Variants in EPHA6 observed in about 807,000 individuals in gnomAD.
EPHA6 encodes EPH receptor A6.
A neutral mutation model predicts 112.0 loss-of-function variants in EPHA6; 50 were observed. The ratio of observed to expected loss-of-function variants is 0.45; its 90% CI spans 0.36 to 0.56. The LOEUF (loss-of-function observed/expected upper bound fraction) is 0.56, where lower values mean the gene tolerates loss of function less well. Ranked by LOEUF, EPHA6 falls within the 20% of genes least tolerant of loss-of-function variation. EPHA6 has a pLI of 0.00. For synonymous variants in EPHA6, 529 were observed against 490.7 expected (o/e 1.08, Z -1.03); for missense variants, 1,280 against 1,417.4 (o/e 0.90, Z 1.56).
chr3:97,531,052 T>A (rs1257329331), intron 10 of EPHA6, among the ~76,000 whole-genome samples: 1 of 152,056 alleles, frequency 6.6e-6, no homozygotes, highest in Non-Finnish European at 1.5e-5. Context: ...TTAATTTCTT[T>A]CATCCTTCCA....
chr3:97,102,956 C>G (rs2047448623), intron 3 of EPHA6, among the ~76,000 whole-genome samples: 1 of 151,894 alleles, frequency 6.6e-6, no homozygotes, highest in African/African-American at 2.4e-5. Flanking sequence ...TATTTATGTC[C>G]TTTACCTAAT....
intron 9 of EPHA6, among the ~76,000 whole-genome samples, chr3:97,482,875 G>C (rs1279954289): frequency 6.6e-6 from 1 of 152,096 alleles, no homozygotes; most frequent in Non-Finnish European, 1.5e-5. Context: ...TGTGATTATT[G>C]CCTGTAAAAC....
At chr3:97,358,384 T>C (rs1405729918) in intron 5 of EPHA6, among the ~76,000 whole-genome samples, 1 of 152,180 alleles carries the variant, frequency 6.6e-6, no homozygotes, top group African/African-American at 2.4e-5. Flanking sequence ...CTCTTGGTTG[T>C]TGATATCACA....
intron 3 of EPHA6, among the ~76,000 whole-genome samples, chr3:97,019,489 C>G (rs1029249006): frequency 3.9e-4 from 59 of 152,106 alleles, no homozygotes; most frequent in Non-Finnish European, 6.5e-4. Context: ...GGAGCTGTGA[C>G]TCCAGCTATG....
chr3:97,517,700 G>T (rs2092469088), intron 10 of EPHA6, among the ~76,000 whole-genome samples: 1 of 151,984 alleles, frequency 6.6e-6, no homozygotes, highest in South Asian at 2.1e-4. Flanking sequence ...TATTTCTACT[G>T]TCTAACTGAA....
chr3:97,314,198 T>G (rs2081699428), intron 5 of EPHA6, among the ~76,000 whole-genome samples: 1 of 151,698 alleles, frequency 6.6e-6, no homozygotes, highest in African/African-American at 2.4e-5. Flanking sequence ...AACATGGTGT[T>G]TATTTCTGGG....
rs139146600 is a variant in EPHA6 at position 96,971,512 on chromosome 3, G to A, written c.451-15818G>A. Among the ~76,000 whole-genome samples, 8 of 152,130 alleles carry A rather than the reference G, an allele frequency of 5.3e-5. No homozygotes were observed. In the East Asian group the frequency reaches 1.5e-3, roughly 29 times the overall value. On this transcript the variant is annotated intron_variant, in intron 2 of 17. Coordinates refer to ENST00000389672, the MANE Select transcript of EPHA6 (RefSeq NM_001080448.3). Reference sequence around the variant, plus strand: ...TTTTCTGCTGCAAAAACAGATTTATGTTATTAACTACATGCCTAGCAGCAG... The same window carrying A: ...TTTTCTGCTGCAAAAACAGATTTATATTATTAACTACATGCCTAGCAGCAG...
intron 2 of EPHA6, among the ~76,000 whole-genome samples, chr3:96,925,741 G>A (rs1254770942): frequency 6.6e-6 from 1 of 151,880 alleles, no homozygotes; most frequent in Non-Finnish European, 1.5e-5. Flanking sequence ...GAGTAGCTGG[G>A]ATTACGAGCG....
At chr3:97,017,131 A>T (rs115622744) in intron 3 of EPHA6, among the ~76,000 whole-genome samples, 2 of 152,226 alleles carry the variant, frequency 1.3e-5, no homozygotes, top group Admixed American at 1.3e-4. Flanking sequence ...AAGCACCTTC[A>T]TAAGAACCAA....
intron 5 of EPHA6, among the ~76,000 whole-genome samples, chr3:97,310,841 G>A (rs1177513205): frequency 2.0e-5 from 3 of 151,572 alleles, no homozygotes; most frequent in Non-Finnish European, 3.0e-5. Context: ...CTTAAGCAAC[G>A]AATCTGCCAA....
intron 14 of EPHA6, among the ~76,000 whole-genome samples, chr3:97,701,201 A>G (rs1259891692): frequency 1.3e-5 from 2 of 152,208 alleles, no homozygotes; most frequent in Non-Finnish European, 2.9e-5. Flanking sequence ...TCCATATATG[A>G]GAAATGGACA....
intron 10 of EPHA6, among the ~76,000 whole-genome samples, chr3:97,495,372 A>G (rs1161557914): frequency 6.6e-6 from 1 of 151,494 alleles, no homozygotes; most frequent in Non-Finnish European, 1.5e-5. Context: ...ATAAATTTGT[A>G]TAGATAGGTA....
intron 3 of EPHA6, among the ~76,000 whole-genome samples, chr3:97,074,004 T>A (rs1328315779): frequency 6.6e-6 from 1 of 152,020 alleles, no homozygotes; most frequent in Admixed American, 6.6e-5. Context: ...ATACCCTTTA[T>A]TCATTTGCCT....
At chr3:96,877,903 A>G (rs2037069761) in intron 2 of EPHA6, among the ~76,000 whole-genome samples, 1 of 141,526 alleles carries the variant, frequency 7.1e-6, no homozygotes, top group African/African-American at 2.9e-5. Context: ...TGTATATAGT[A>G]TGTGTGTGTG....
At chr3:97,130,791 T>C (rs2048316580) in intron 3 of EPHA6, among the ~76,000 whole-genome samples, 1 of 152,164 alleles carries the variant, frequency 6.6e-6, no homozygotes, top group South Asian at 2.1e-4. Flanking sequence ...AGGCTATGGG[T>C]ACTTTCCTAG....
intron 10 of EPHA6, among the ~76,000 whole-genome samples, chr3:97,513,395 A>G (rs900483109): frequency 2.0e-5 from 3 of 152,228 alleles, no homozygotes; most frequent in African/African-American, 7.2e-5. Flanking sequence ...ACTATTCACA[A>G]CAACCAAGAT....
intron 13 of EPHA6, among the ~76,000 whole-genome samples, chr3:97,616,782 T>C (rs1242343822): frequency 6.6e-6 from 1 of 151,992 alleles, no homozygotes; most frequent in Non-Finnish European, 1.5e-5. Context: ...TAGGATTATG[T>C]AAAAAGATCA....
intron 11 of EPHA6, among the ~76,000 whole-genome samples, chr3:97,562,659 G>C (rs957529811): frequency 3.4e-4 from 51 of 152,186 alleles, no homozygotes; most frequent in Admixed American, 3.3e-3. Flanking sequence ...CAGTGGCAGA[G>C]TTTGAGAGGA....
At chr3:97,456,475 C>T (rs528782776) in intron 7 of EPHA6, among the ~76,000 whole-genome samples, 1 of 152,174 alleles carries the variant, frequency 6.6e-6, no homozygotes, top group South Asian at 2.1e-4. Context: ...AAGTAGAAGG[C>T]ACTCAATGAA....
Sources: gnomAD v4.1 joint callset for allele counts (sites outside exome capture counted in the v4.1 genomes callset) on GRCh38, gnomAD v4.1.1 for gene constraint, MANE v1.5 for transcripts, NCBI Gene and HGNC (gene_info 2026-07-23, HGNC 2026-07-21) for gene names.